The following NOTO variants were observed in gnomAD, a reference collection of about 807,000 sequenced individuals.
NOTO encodes notochord homeobox.
A neutral mutation model predicts 20.5 loss-of-function variants in NOTO; 19 were observed. The observed-to-expected ratio is 0.93, with a 90% CI of 0.65 to 1.36. NOTO has a LOEUF of 1.36. Ranked by LOEUF, NOTO falls within the 40% of genes most tolerant of loss-of-function variation. The pLI, the probability that NOTO is intolerant of heterozygous loss-of-function variation, is 0.00. For synonymous variants in NOTO, 150 were observed against 150.2 expected, an observed-to-expected ratio of 1.00 and a Z score of 0.01; for missense variants, 369 against 336.2, an observed-to-expected ratio of 1.10 and a Z score of -0.76.
intron 1 of NOTO, 104 bp from the exon 2 acceptor site, chr2:73,208,296 G>A: frequency 1.4e-6 from 1 of 705,722 alleles, no homozygotes; most frequent in Non-Finnish European, 2.5e-6. Context: ...CAAGGTAGCA[G>A]AGCTGTGTGT....
Position 73,210,781 on chromosome 2 carries a change from G to T in NOTO, c.608G>T (p.Trp203Leu). The T allele has an allele frequency of 6.4e-7, 1 of 1,550,402 alleles. No individual in the cohort carries two copies. Among genetic ancestry groups the T allele is most frequent in the South Asian group, 1.2e-5 (1 of 83,866 alleles). The change falls in exon 3 of 3, where the codon TGG (tryptophan) becomes TTG (leucine). Residue 203 changes from tryptophan (W) to leucine (L), a missense_variant. Physicochemically the swap from Trp to Leu is moderately conservative, Grantham distance 61 (BLOSUM62 -2). Coordinates refer to ENST00000398468, the MANE Select transcript of NOTO (RefSeq NM_001134462.2). The part of the protein sequence containing the change: ...LKLTENQVRV[W>L]FQNRRVKYQK... ...ACTCTCCAATTATAGGTGAGAGTCT[G>T]GTTCCAGAACCGCAGGGTCAAGTAT...
At chr2:73,205,923 G>A (rs2103691807) in intron 1 of NOTO, among the ~76,000 whole-genome samples, 1 of 152,230 alleles carries the variant, frequency 6.6e-6, no homozygotes, top group East Asian at 1.9e-4. Flanking sequence ...ATTTTGTAGA[G>A]ATGGAATCTC....
At chr2:73,208,936 C>T (rs1247818604) in intron 2 of NOTO, among the ~76,000 whole-genome samples, 1 of 152,052 alleles carries the variant, frequency 6.6e-6, no homozygotes, top group African/African-American at 2.4e-5. Context: ...CCTCTAATCC[C>T]AGCACTTTGG....
chr2:73,209,864 G>A (rs753822393), intron 2 of NOTO, among the ~76,000 whole-genome samples: 4 of 151,490 alleles, frequency 2.6e-5, no homozygotes, highest in Non-Finnish European at 4.4e-5. Flanking sequence ...TGACCCCACC[G>A]TCCACCTGGT....
At chr2:73,205,757 TC>T (rs1294200375) in intron 1 of NOTO, among the ~76,000 whole-genome samples, 1 of 152,134 alleles carries the variant, frequency 6.6e-6, no homozygotes, top group Non-Finnish European at 1.5e-5. Flanking sequence ...CTCCTTAGCT[TC>T]CTGAGTAGCA....
chr2:73,207,452 T>C (rs1025971981), intron 1 of NOTO, among the ~76,000 whole-genome samples: 3 of 152,198 alleles, frequency 2.0e-5, no homozygotes, highest in Non-Finnish European at 4.4e-5. Flanking sequence ...CCATCAAGAT[T>C]TGACTTAGGA....
chr2:73,210,745 G>T, intron 2 of NOTO, 26 bp from the exon 3 acceptor site: 1 of 1,529,600 alleles, frequency 6.5e-7, no homozygotes, highest in South Asian at 1.2e-5. Context: ...GTCACATTCT[G>T]ATCTCTGCCC....
chr2:73,208,550 A>G lies in NOTO; in HGVS notation c.533A>G (p.Gln178Arg), dbSNP rs371155152. Residue 178 changes from glutamine to arginine, a missense_variant, in exon 2 of 3, where the codon CAG becomes CGG. By Grantham distance (43) the Gln-to-Arg change is conservative. Coordinates refer to ENST00000398468, the MANE Select transcript of NOTO (RefSeq NM_001134462.2). ...GAGTTGGAGAAAGTGTTTGCAAAACAGCACAATCTGGTGGGGAAGAAGAGA... is the reference window on the plus strand; with the variant it reads ...GAGTTGGAGAAAGTGTTTGCAAAACGGCACAATCTGGTGGGGAAGAAGAGA... ...LEELEKVFAKQHNLVGKKRAQ... is the reference protein window; with the variant it reads ...LEELEKVFAKRHNLVGKKRAQ... The G allele has an allele frequency of 1.9e-6, 3 of 1,551,572 alleles. No individual in the cohort carries two copies. The highest frequency in any genetic ancestry group is 2.6e-6 in the Non-Finnish European group (3 of 1,146,984).
Position 73,211,087 on chromosome 2 carries a change from C to A in NOTO, c.*158C>A. The stretch of plus-strand genomic sequence containing the variant: ...CCTTTTCTATACTGATTCCTGGAAA[C>A]TGGAATAATGTAATGATTGGAGGCA... On this transcript the variant is annotated 3_prime_UTR_variant, in exon 3 of 3. Transcript: ENST00000398468. 1.7e-6 allele frequency: 1 copy of A among 576,938 alleles called. No individual in the cohort carries two copies. The highest frequency in any genetic ancestry group is 3.0e-6 in the Non-Finnish European group (1 of 336,466). The allele number at this position is 576,938 out of a possible 1,614,324, so 35.7% of individuals were successfully genotyped here.
rs541008172 is a variant in NOTO, at chr2:73,210,875, C to A, written c.702C>A (p.Ser234Arg). ...CTGCCTCCCTGGATGAGCCTTCCAG[C>A]AGCTCCATCGCCAGTATCCAGAGTG... ...AEAASLDEPS[S>R]SSIASIQSDD... The change falls in exon 3 of 3, where the codon AGC (serine) becomes AGA (arginine). Residue 234 changes from serine (S) to arginine (R), a missense_variant. Coordinates refer to ENST00000398468, the MANE Select transcript of NOTO (RefSeq NM_001134462.2). 1 of 1,551,686 alleles carries A rather than the reference C, an allele frequency of 6.4e-7. No individual in the cohort carries two copies. The highest frequency in any genetic ancestry group is 1.4e-5 in the African/African-American group (1 of 73,186).
rs1686172130 is a variant in NOTO at position 73,210,984 on chromosome 2, C to T, written c.*55C>T. The T allele has an allele frequency of 1.4e-6, 2 of 1,436,734 alleles. No individual in the cohort carries two copies. The highest frequency in any genetic ancestry group is 1.9e-6 in the Non-Finnish European group (2 of 1,063,074). The allele number at this position is 1,436,734 out of a possible 1,614,324, so 89.0% of individuals were successfully genotyped here. A position where few individuals can be genotyped will look rare whatever the true frequency, so the allele number is the denominator to read the frequency against. On this transcript the variant is annotated 3_prime_UTR_variant, in exon 3 of 3. Transcript: ENST00000398468. The stretch of plus-strand genomic sequence containing the variant: ...CCTGGACTAGTTCCTCCTGGGGGTA[C>T]CCACTGGAGCTCCCTGCCTCACACC...
In NOTO at chr2:73,202,869, C is replaced by T. The variant is rs963707124; in HGVS notation, c.203C>T (p.Pro68Leu). The T allele has an allele frequency of 8.5e-6, 13 of 1,526,548 alleles. No individual in the cohort carries two copies. The highest frequency in any genetic ancestry group is 1.1e-5 in the Non-Finnish European group (12 of 1,142,202). The allele number at this position is 1,526,548 out of a possible 1,614,324, so 94.6% of individuals were successfully genotyped here. ...CCCTGCGCGCCGGCGGCCTCCCAGCCGTCGGGCTCCGCCTGCGTCCACCCG... is the reference window on the plus strand; with the variant it reads ...CCCTGCGCGCCGGCGGCCTCCCAGCTGTCGGGCTCCGCCTGCGTCCACCCG... ...PDPCAPAASQ[P>L]SGSACVHPAF... Residue 68 changes from proline (P) to leucine (L), a missense_variant, in exon 1 of 3, where the codon CCG becomes CTG. Physicochemically the swap from Pro to Leu is moderately conservative, Grantham distance 98. Coordinates refer to ENST00000398468, the MANE Select transcript of NOTO (RefSeq NM_001134462.2).
chr2:73,206,182 G>T (rs937243606), intron 1 of NOTO, among the ~76,000 whole-genome samples: 1 of 152,054 alleles, frequency 6.6e-6, no homozygotes, highest in Non-Finnish European at 1.5e-5. Flanking sequence ...AAGGTATTGG[G>T]TATGGATCCA....
intron 1 of NOTO, among the ~76,000 whole-genome samples, chr2:73,207,979 G>T (rs1299566450): frequency 6.6e-6 from 1 of 152,180 alleles, no homozygotes; most frequent in Non-Finnish European, 1.5e-5. Context: ...AACCATGCAT[G>T]ACACACAGTA....
At chr2:73,208,115 G>A (rs1251719914) in intron 1 of NOTO, among the ~76,000 whole-genome samples, 9 of 152,248 alleles carry the variant, frequency 5.9e-5, no homozygotes, top group Non-Finnish European at 5.9e-5. Flanking sequence ...AAAGAGAAGG[G>A]AGGTTTGGCA....
At chr2:73,209,784 T>C (rs1448052019) in intron 2 of NOTO, among the ~76,000 whole-genome samples, 3 of 152,200 alleles carry the variant, frequency 2.0e-5, no homozygotes, top group Admixed American at 1.3e-4. Flanking sequence ...CATGGGCACA[T>C]ATCTCAAACC....
intron 1 of NOTO, among the ~76,000 whole-genome samples, chr2:73,204,870 AT>A (rs763001329): frequency 6.4e-5 from 6 of 93,042 alleles, no homozygotes; most frequent in Middle Eastern, 5.0e-3. Context: ...TGCCCGGCTA[AT>A]TTTTTTTATT....
chr2:73,209,129 C>T (rs1018975564), intron 2 of NOTO, among the ~76,000 whole-genome samples: 1 of 144,730 alleles, frequency 6.9e-6, no homozygotes, highest in African/African-American at 2.6e-5. Flanking sequence ...GAGCGGAGAT[C>T]ACGCCACTGC....
rs572218648 is a variant in NOTO, at chr2:73,203,270, T to C, written c.382+222T>C. ...GCGCGAGGCTTCCCCCGCACGCTGC[T>C]GAGGTGGGAGAGGGTGGGTGTGAGG... On this transcript the variant is annotated intron_variant, in intron 1 of 2. Coordinates refer to ENST00000398468, the MANE Select transcript of NOTO (RefSeq NM_001134462.2). 3.3e-5 allele frequency among the ~76,000 whole-genome samples: 5 copies of C among 152,308 alleles called. No homozygotes were observed. The East Asian group carries it at 7.7e-4, about 24-fold the overall frequency.
Sources: gnomAD v4.1 joint callset for allele counts (sites outside exome capture counted in the v4.1 genomes callset) on GRCh38, gnomAD v4.1.1 for gene constraint, MANE v1.5 for transcripts, NCBI Gene and HGNC (gene_info 2026-07-23, HGNC 2026-07-21) for gene names.